Variants in ITGA9 observed in about 807,000 individuals in gnomAD.
ITGA9 encodes the protein integrin alpha-9.
A neutral mutation model predicts 127.8 loss-of-function variants in ITGA9; 56 were observed. The observed-to-expected ratio is 0.44, with a 90% CI of 0.35 to 0.55. The LOEUF is 0.55. Ranked by LOEUF, ITGA9 falls within the 20% of genes least tolerant of loss-of-function variation. The pLI is 0.00. For missense variants in ITGA9, 1,196 were observed against 1,347.1 expected (o/e 0.89, Z 1.76); for synonymous variants, 508 against 514.5 (o/e 0.99, Z 0.17).
intron 14 of ITGA9, among the ~76,000 whole-genome samples, chr3:37,539,520 A>C (rs768289047): frequency 4.4e-4 from 67 of 152,244 alleles, no homozygotes; most frequent in Non-Finnish European, 7.6e-4. Context: ...TTGATGTTGC[A>C]GCTCAAGTCT....
chr3:37,526,168 G>A lies in ITGA9; in HGVS notation c.1373+97G>A, dbSNP rs554117100. 7.6e-6 allele frequency: 8 copies of A among 1,051,496 alleles called. No homozygotes were observed. The East Asian group carries it at 1.9e-4, about 25-fold the overall frequency. The allele number at this position is 1,051,496 out of a possible 1,614,324, so 65.1% of individuals were successfully genotyped here. A position where few individuals can be genotyped will look rare whatever the true frequency, so the allele number is the denominator to read the frequency against. On this transcript the variant is annotated intron_variant, in intron 13 of 27. Coordinates refer to ENST00000264741, the MANE Select transcript of ITGA9 (RefSeq NM_002207.3). ...GGCTCTTTCCTCTGTCCTGTTCCTT[G>A]TAGGCTGGAGGTGCTTAGTAAGTGG...
At chr3:37,489,968 T>G (rs897528695) in intron 4 of ITGA9, among the ~76,000 whole-genome samples, 1 of 152,242 alleles carries the variant, frequency 6.6e-6, no homozygotes, top group Non-Finnish European at 1.5e-5. Flanking sequence ...TAGCCCCTAC[T>G]GCTGTGTCGT....
intron 15 of ITGA9, among the ~76,000 whole-genome samples, chr3:37,588,759 A>G (rs1444784035): frequency 6.6e-6 from 1 of 152,200 alleles, no homozygotes; most frequent in East Asian, 1.9e-4. Context: ...CTTCGGCGGA[A>G]GCCATATGAC....
chr3:37,580,352 T>G (rs149445006), intron 15 of ITGA9, among the ~76,000 whole-genome samples: 58 of 152,326 alleles, frequency 3.8e-4, no homozygotes, highest in African/African-American at 1.3e-3. Context: ...GGGCTTTCCC[T>G]TTTGCTCTGG....
At chr3:37,720,983 G>A (rs986541323) in intron 18 of ITGA9, among the ~76,000 whole-genome samples, 9 of 152,018 alleles carry the variant, frequency 5.9e-5, no homozygotes, top group Admixed American at 5.9e-4. Context: ...AGGGCCAAGT[G>A]GACTCTTTGG....
At chr3:37,508,260 C>G (rs1698865659) in intron 7 of ITGA9, among the ~76,000 whole-genome samples, 1 of 152,170 alleles carries the variant, frequency 6.6e-6, no homozygotes, top group Admixed American at 6.5e-5. Flanking sequence ...CTAGCTTTTT[C>G]TCAGAGTTGA....
At chr3:37,523,391 ATT>A (rs1699063156) in intron 11 of ITGA9, 128 bp from the exon 12 acceptor site, 1 of 736,790 alleles carries the variant, frequency 1.4e-6, no homozygotes, top group African/African-American at 1.8e-5. Context: ...TCACATTAGG[ATT>A]ACTTTTTTTT....
rs60066178 is a variant in ITGA9 at position 37,774,074 on chromosome 3, G to A, written c.2542-3318G>A. Reference sequence around the variant, plus strand: ...ATTTAGTTGAAATGCAGAACTTCTTGAATCCATGTTGGTGCTGAAATTTGA... The same window carrying A: ...ATTTAGTTGAAATGCAGAACTTCTTAAATCCATGTTGGTGCTGAAATTTGA... On this transcript the variant is annotated intron_variant, in intron 23 of 27. Transcript: ENST00000264741. 7.2e-3 allele frequency among the ~76,000 whole-genome samples: 1,100 copies of A among 152,280 alleles called. 19 individuals carry two copies. Among genetic ancestry groups the A allele is most frequent in the African/African-American group, 0.025 (1,032 of 41,538 alleles).
At chr3:37,666,221 C>T (rs1271114345) in intron 17 of ITGA9, among the ~76,000 whole-genome samples, 3 of 152,180 alleles carry the variant, frequency 2.0e-5, no homozygotes, top group Non-Finnish European at 4.4e-5. Context: ...AGGTTGAGTT[C>T]TCCTAGAAGC....
chr3:37,634,833 A>T (rs1472175320), intron 16 of ITGA9, among the ~76,000 whole-genome samples: 1 of 152,248 alleles, frequency 6.6e-6, no homozygotes, highest in Non-Finnish European at 1.5e-5. Context: ...ACTCTCCAGG[A>T]TGGATCACAT....
intron 18 of ITGA9, among the ~76,000 whole-genome samples, chr3:37,698,943 C>G (rs1264454650): frequency 1.3e-5 from 2 of 152,206 alleles, no homozygotes; most frequent in African/African-American, 4.8e-5. Flanking sequence ...TCACGTGCCC[C>G]TCAGCCATTG....
At chr3:37,794,502 C>T (rs1227466662) in intron 26 of ITGA9, among the ~76,000 whole-genome samples, 1 of 152,212 alleles carries the variant, frequency 6.6e-6, no homozygotes, top group African/African-American at 2.4e-5. Flanking sequence ...GAACTCTTCC[C>T]ATTGTGTCCT....
intron 3 of ITGA9, among the ~76,000 whole-genome samples, chr3:37,476,406 T>G (rs943863674): frequency 1.3e-5 from 2 of 152,158 alleles, no homozygotes; most frequent in African/African-American, 2.4e-5. Context: ...GAGATAATAT[T>G]TTATTGTGAT....
chr3:37,505,939 G>T (rs79449442), intron 6 of ITGA9, 61 bp from the exon 7 acceptor site: 5 of 1,195,370 alleles, frequency 4.2e-6, no homozygotes, highest in African/African-American at 3.0e-5. Context: ...TCTGATGGAT[G>T]TTTTTTTTTC....
At position 37,517,728 on chromosome 3, in the gene ITGA9, C is replaced by T. The variant is rs1001432978; in HGVS notation, c.1141+119C>T. 2.3e-5 allele frequency: 18 copies of T among 772,698 alleles called. No homozygotes were observed. The African/African-American group carries it at 2.7e-4, about 12-fold the overall frequency. 47.9% of individuals were successfully genotyped at this position (772,698 alleles called of 1,614,324 possible). On this transcript the variant is annotated intron_variant, in intron 10 of 27. Transcript: ENST00000264741. ...GTGGCATGCTCCTGGGTCTACTGAT[C>T]CCCTTCGAAGGCCCATCAATGTGCT... is the stretch of plus-strand genomic sequence containing the variant.
intron 15 of ITGA9, among the ~76,000 whole-genome samples, chr3:37,566,480 A>T (rs1699548323): frequency 2.6e-5 from 4 of 152,240 alleles, no homozygotes; most frequent in Admixed American, 2.6e-4. Flanking sequence ...TACATAGTAC[A>T]TTATCAAAAG....
chr3:37,538,917 G>A (rs987939899), intron 14 of ITGA9, among the ~76,000 whole-genome samples: 1 of 152,240 alleles, frequency 6.6e-6, no homozygotes, highest in Admixed American at 6.5e-5. Flanking sequence ...CAGAATGATT[G>A]CACTTGGTGA....
intron 18 of ITGA9, among the ~76,000 whole-genome samples, chr3:37,716,589 AT>A (rs1393672674): frequency 6.7e-6 from 1 of 149,122 alleles, no homozygotes; most frequent in Admixed American, 6.8e-5. Flanking sequence ...TGGAAGTTTA[AT>A]ATATTCCAAC....
chr3:37,458,358 C>T (rs62239497), intron 1 of ITGA9, among the ~76,000 whole-genome samples: 28 of 152,158 alleles, frequency 1.8e-4, no homozygotes, highest in South Asian at 1.5e-3. Context: ...TTGTTGGGGG[C>T]GGGTATTGCC....
Sources: gnomAD v4.1 joint callset for allele counts (sites outside exome capture counted in the v4.1 genomes callset) on GRCh38, gnomAD v4.1.1 for gene constraint, MANE v1.5 for transcripts, NCBI Gene and HGNC (gene_info 2026-07-23, HGNC 2026-07-21) for gene names.